Variants in WWOX observed in about 807,000 individuals in gnomAD.
The protein encoded by WWOX is WW domain-containing oxidoreductase.
Under a neutral mutation model 46.2 loss-of-function variants are expected in WWOX, and 69 were observed. The ratio of observed to expected loss-of-function variants is 1.49; its 90% CI spans 1.23 to 1.82. WWOX has a LOEUF of 1.82. Ranked by LOEUF, WWOX falls within the 40% of genes most tolerant of loss-of-function variation. WWOX has a pLI of 0.00. For synonymous variants in WWOX, 359 were observed against 202.6 expected, an observed-to-expected ratio of 1.77 and a Z score of -6.56; for missense variants, 919 against 542.6, an observed-to-expected ratio of 1.69 and a Z score of -6.89.
Position 78,321,362 on chromosome 16 carries a change from A to ACG in WWOX, c.517-65498_517-65497insCG, listed in dbSNP as rs1567499327. On this transcript the variant is annotated intron_variant, in intron 5 of 8. Transcript: ENST00000566780. Reference sequence around the variant, plus strand: ...CGTATATATATACGTATATATGCGTATATATATACGTATATATGCGTATAT... The same window carrying ACG: ...CGTATATATATACGTATATATGCGTACGTATATATACGTATATATGCGTATAT... 4.2e-3 allele frequency among the ~76,000 whole-genome samples: 247 copies of ACG among 58,566 alleles called. 10 individuals carry two copies. Among genetic ancestry groups the ACG allele is most frequent in the Middle Eastern group, 0.041 (4 of 98 alleles). 38.4% of individuals were successfully genotyped at this position (58,566 alleles called of 152,430 possible).
intron 8 of WWOX, among the ~76,000 whole-genome samples, chr16:78,814,440 G>A (rs982916264): frequency 2.0e-5 from 3 of 151,388 alleles, no homozygotes; most frequent in Non-Finnish European, 4.4e-5. Flanking sequence ...TAAAACCACT[G>A]TGTGATGAAA....
At chr16:78,583,749 T>A (rs2045121591) in intron 8 of WWOX, among the ~76,000 whole-genome samples, 1 of 152,226 alleles carries the variant, frequency 6.6e-6, no homozygotes, top group Admixed American at 6.5e-5. Flanking sequence ...TTGAGTTAAG[T>A]GCTTTTGACA....
At chr16:78,776,018 C>T (rs2050182102) in intron 8 of WWOX, among the ~76,000 whole-genome samples, 1 of 152,182 alleles carries the variant, frequency 6.6e-6, no homozygotes, top group Non-Finnish European at 1.5e-5. Flanking sequence ...CAGGACACAG[C>T]TATGTGTTCC....
chr16:78,331,345 T>G (rs2080752844), intron 5 of WWOX, among the ~76,000 whole-genome samples: 1 of 152,220 alleles, frequency 6.6e-6, no homozygotes, highest in Non-Finnish European at 1.5e-5. Context: ...ATCTGTGTAA[T>G]TTTTGCAACT....
chr16:78,322,179 A>G lies in WWOX; in HGVS notation c.517-64681A>G, dbSNP rs1474530241. On this transcript the variant is annotated intron_variant, in intron 5 of 8. Coordinates refer to ENST00000566780, the MANE Select transcript of WWOX (RefSeq NM_016373.4). ...TGGTTGGTGGGGGGAAGACAAGGAC[A>G]AACAATTCGAAAGAGCAAATGAGCC... 2.6e-5 allele frequency among the ~76,000 whole-genome samples: 4 copies of G among 152,158 alleles called. No individual in the cohort carries two copies. In the South Asian group the frequency reaches 6.2e-4, roughly 24 times the overall value.
At chr16:79,034,143 A>G (rs1414867580) in intron 8 of WWOX, among the ~76,000 whole-genome samples, 34 of 152,120 alleles carry the variant, frequency 2.2e-4, no homozygotes, top group Admixed American at 2.2e-3. Context: ...CATTTTTTAT[A>G]TTAATCTGTT....
Position 79,154,808 on chromosome 16 carries a change from A to C in WWOX, c.1057-56800A>C, listed in dbSNP as rs113998692. ...TTTAGGTCCTCATGAACCTCTGAGC[A>C]TGAACCATGAAATTCCTATTACACC... is the stretch of plus-strand genomic sequence containing the variant. On this transcript the variant is annotated intron_variant, in intron 8 of 8. Coordinates refer to ENST00000566780, the MANE Select transcript of WWOX (RefSeq NM_016373.4). Among the ~76,000 whole-genome samples, 940 of 152,286 alleles carry C rather than the reference A, an allele frequency of 6.2e-3. 14 individuals are homozygous for C. Among genetic ancestry groups the C allele is most frequent in the African/African-American group, 0.021 (893 of 41,554 alleles).
chr16:78,234,877 T>C (rs1002007869), intron 5 of WWOX, among the ~76,000 whole-genome samples: 2 of 152,032 alleles, frequency 1.3e-5, no homozygotes, highest in African/African-American at 4.8e-5. Flanking sequence ...CTGAAGTTGA[T>C]ATAGCAGGAT....
At chr16:79,111,746 G>A (rs2049420726) in intron 8 of WWOX, among the ~76,000 whole-genome samples, 1 of 152,034 alleles carries the variant, frequency 6.6e-6, no homozygotes, top group African/African-American at 2.4e-5. Flanking sequence ...AAGTATTTAG[G>A]CTCATCATAT....
chr16:78,229,511 TAG>T (rs781002609), intron 5 of WWOX, among the ~76,000 whole-genome samples: 5 of 111,846 alleles, frequency 4.5e-5, no homozygotes, highest in East Asian at 3.2e-4. Flanking sequence ...TATATCTATA[TAG>T]AGATATATAT....
chr16:78,405,862 T>A (rs1321852560), intron 6 of WWOX, among the ~76,000 whole-genome samples: 3 of 152,116 alleles, frequency 2.0e-5, no homozygotes, highest in African/African-American at 7.2e-5. Flanking sequence ...ACACACATAA[T>A]GAGAGGCAGA....
At chr16:78,228,857 G>A (rs950150507) in intron 5 of WWOX, among the ~76,000 whole-genome samples, 9 of 152,146 alleles carry the variant, frequency 5.9e-5, no homozygotes, top group South Asian at 2.1e-4. Context: ...TGAGGCTCTC[G>A]TGGCTTTTTG....
chr16:79,208,240 C>G (rs933039641), intron 8 of WWOX, among the ~76,000 whole-genome samples: 1 of 152,138 alleles, frequency 6.6e-6, no homozygotes, highest in Non-Finnish European at 1.5e-5. Flanking sequence ...TAAAAAGATT[C>G]TTCTGGGCTT....
chr16:79,144,151 C>G (rs1234751097), intron 8 of WWOX, among the ~76,000 whole-genome samples: 1 of 152,206 alleles, frequency 6.6e-6, no homozygotes, highest in Non-Finnish European at 1.5e-5. Flanking sequence ...CCTCCTGTCT[C>G]AGCCTCCCAA....
At chr16:78,697,757 C>G (rs1480273888) in intron 8 of WWOX, among the ~76,000 whole-genome samples, 1 of 152,114 alleles carries the variant, frequency 6.6e-6, no homozygotes, top group South Asian at 2.1e-4. Flanking sequence ...GTGTTAAATG[C>G]ATTTTCATCT....
chr16:78,728,925 G>T (rs1110560), intron 8 of WWOX, among the ~76,000 whole-genome samples: 92,131 of 152,036 alleles, frequency 0.61, 29,677 homozygotes, highest in African/African-American at 0.84. Flanking sequence ...TCATTCCAAC[G>T]GTGTGGAGAG....
chr16:79,151,103 T>C (rs4381615), intron 8 of WWOX, among the ~76,000 whole-genome samples: 54,327 of 152,032 alleles, frequency 0.36, 10,191 homozygotes, highest in East Asian at 0.52. Context: ...ATTTTAATAC[T>C]AAAGAGGAAA....
chr16:78,994,068 T>C (rs977490450), intron 8 of WWOX, among the ~76,000 whole-genome samples: 2 of 152,172 alleles, frequency 1.3e-5, no homozygotes, highest in African/African-American at 4.8e-5. Flanking sequence ...ACTGAGGATG[T>C]TTGCATTTGA....
At chr16:78,192,056 T>C (rs769167975) in intron 5 of WWOX, among the ~76,000 whole-genome samples, 1 of 152,174 alleles carries the variant, frequency 6.6e-6, no homozygotes, top group Non-Finnish European at 1.5e-5. Context: ...TTTCTTTGTT[T>C]ATAAAAGAGG....
Sources: allele counts gnomAD v4.1 joint callset (sites outside exome capture counted in the v4.1 genomes callset), GRCh38; gene constraint gnomAD v4.1.1; transcripts MANE v1.5; gene names NCBI Gene and HGNC (gene_info 2026-07-23, HGNC 2026-07-21).